Variants in KCNQ1 observed in about 807,000 individuals in gnomAD.
KCNQ1 encodes potassium voltage-gated channel subfamily KQT member 1.
A neutral mutation model predicts 72.4 loss-of-function variants in KCNQ1; 49 were observed. The observed-to-expected ratio is 0.68, with a 90% confidence interval of 0.54 to 0.86. The LOEUF is 0.86. Among genes scored for constraint, KCNQ1 ranks in the 40% least tolerant of loss-of-function variants. The pLI is 0.00. For synonymous variants in KCNQ1, 450 were observed against 412.6 expected, an observed-to-expected ratio of 1.09 and a Z score of -1.10; for missense variants, 790 against 945.1, an observed-to-expected ratio of 0.84 and a Z score of 2.15.
chr11:2,840,005 A>C (rs948021871), intron 15 of KCNQ1: 2 of 152,222 alleles, frequency 1.3e-5, no homozygotes, highest in African/African-American at 4.8e-5. Flanking sequence ...CGACCCTTGA[A>C]CAATGCAGGG....
chr11:2,721,387 G>A (rs952442502), intron 11 of KCNQ1, among the ~76,000 whole-genome samples: 3 of 152,206 alleles, frequency 2.0e-5, no homozygotes, highest in South Asian at 2.1e-4. Flanking sequence ...GCTTTGTAGC[G>A]AGGCCGCTGT....
In KCNQ1 at chr11:2,465,009, G is replaced by T. The variant is rs1846331206; in HGVS notation, c.386+19525G>T. On this transcript the variant is annotated intron_variant, in intron 1 of 15. Transcript: ENST00000155840. ...GCCGCCCCCGTGGGTGCAGGCCATG[G>T]GCTCTTGTTTCCTTTCCCCCATCTG... Among the ~76,000 whole-genome samples the T allele has an allele frequency of 2.6e-5, 4 of 152,166 alleles. No homozygotes were observed. In the South Asian group the frequency reaches 8.3e-4, roughly 31 times the overall value.
chr11:2,801,850 G>A (rs1264465530), intron 15 of KCNQ1, among the ~76,000 whole-genome samples: 3 of 152,254 alleles, frequency 2.0e-5, no homozygotes, highest in Non-Finnish European at 4.4e-5. Flanking sequence ...AAGACCAGCA[G>A]TGACAGGGAT....
Position 2,544,340 on chromosome 11 carries a change from G to GTATATGTATATATATGTGTATA in KCNQ1, c.477+16330_477+16351dup. ...TATATCTATGTATATATATGTGTAT[G>GTATATGTATATATATGTGTATA]TATATGTATATATATGTGTATATAT... On this transcript the variant is annotated intron_variant, in intron 2 of 15. Coordinates refer to ENST00000155840, the MANE Select transcript of KCNQ1 (RefSeq NM_000218.3). The surrounding 1 kb of genome is among the most constrained non-coding windows in gnomAD (Gnocchi z 4.4). Among the ~76,000 whole-genome samples the GTATATGTATATATATGTGTATA allele has an allele frequency of 7.9e-6, 1 of 125,860 alleles. No homozygotes were observed. The highest frequency in any genetic ancestry group is 2.2e-4 in the South Asian group (1 of 4,588). 82.6% of individuals were successfully genotyped at this position (125,860 alleles called of 152,430 possible).
Position 2,652,963 on chromosome 11 carries a change from G to C in KCNQ1, c.1394-8998G>C, listed in dbSNP as rs1398860798. 3 of 398,546 alleles carry C rather than the reference G, an allele frequency of 7.5e-6. No individual in the cohort carries two copies. The highest frequency in any genetic ancestry group is 7.1e-5 in the East Asian group (2 of 28,092). 24.7% of individuals were successfully genotyped at this position (398,546 alleles called of 1,614,324 possible). On this transcript the variant is annotated intron_variant, in intron 10 of 15. Coordinates refer to ENST00000155840, the MANE Select transcript of KCNQ1 (RefSeq NM_000218.3). The surrounding 1 kb of genome is among the most constrained non-coding windows in gnomAD (Gnocchi z 5.9). Reference sequence around the variant, plus strand: ...CTCCCTGGGACTTCTCAGGATTCCGGAAGTCATCTTTGACTGTGTCACATC... The same window carrying C: ...CTCCCTGGGACTTCTCAGGATTCCGCAAGTCATCTTTGACTGTGTCACATC...
In KCNQ1 at chr11:2,816,079, A is replaced by C. The variant is rs1847608626; in HGVS notation, c.1795-31688A>C. On this transcript the variant is annotated intron_variant, in intron 15 of 15. Coordinates refer to ENST00000155840, the MANE Select transcript of KCNQ1 (RefSeq NM_000218.3). This position sits in a 1 kb window ranked among gnomAD's most constrained non-coding sequence, Gnocchi z 6.8. ...GCTGGCGGCCGGGGCTTGGGAGATC[A>C]AGAAGTCCCTGAGGAAGAGGACAGT... Among the ~76,000 whole-genome samples, 1 of 152,150 alleles carries C rather than the reference A, an allele frequency of 6.6e-6. No homozygotes were observed. The highest frequency in any genetic ancestry group is 6.5e-5 in the Admixed American group (1 of 15,290).
rs572953083 is a variant in KCNQ1, at chr11:2,565,759, C to A, written c.478-4869C>A. On this transcript the variant is annotated intron_variant, in intron 2 of 15. Coordinates refer to ENST00000155840, the MANE Select transcript of KCNQ1 (RefSeq NM_000218.3). This position sits in a 1 kb window ranked among gnomAD's most constrained non-coding sequence, Gnocchi z 5.6. Reference sequence around the variant, plus strand: ...AGTGGCATCAGCCAAGGCTCCGAGGCGTTTCTTCCCACTTCACATGTCTTT... The same window carrying A: ...AGTGGCATCAGCCAAGGCTCCGAGGAGTTTCTTCCCACTTCACATGTCTTT... Among the ~76,000 whole-genome samples the A allele has an allele frequency of 2.0e-5, 3 of 152,198 alleles. No individual in the cohort carries two copies. The highest frequency in any genetic ancestry group is 7.2e-5 in the African/African-American group (3 of 41,442).
In KCNQ1 at chr11:2,463,795, C is replaced by A. The variant is rs889850122; in HGVS notation, c.386+18311C>A. The stretch of plus-strand genomic sequence containing the variant: ...AGACATTGCCCTGCGAGGGGGTCAG[C>A]CCTGAAGCCGGATGGCCCGGCCCCC... On this transcript the variant is annotated intron_variant, in intron 1 of 15. Coordinates refer to ENST00000155840, the MANE Select transcript of KCNQ1 (RefSeq NM_000218.3). This position sits in a 1 kb window ranked among gnomAD's most constrained non-coding sequence, Gnocchi z 7.0. 6.6e-6 allele frequency among the ~76,000 whole-genome samples: 1 copy of A among 152,236 alleles called. No individual in the cohort carries two copies. Among genetic ancestry groups the A allele is most frequent in the African/African-American group, 2.4e-5 (1 of 41,466 alleles).
At chr11:2,529,834 C>T (rs917759095) in intron 2 of KCNQ1, among the ~76,000 whole-genome samples, 2 of 151,720 alleles carry the variant, frequency 1.3e-5, no homozygotes, top group South Asian at 2.1e-4. Context: ...GTGGGCGGGC[C>T]GGCTGCCAGG....
Position 2,464,141 on chromosome 11 carries a change from T to C in KCNQ1, c.386+18657T>C, listed in dbSNP as rs1162901928. 1.3e-5 allele frequency among the ~76,000 whole-genome samples: 2 copies of C among 152,094 alleles called. No homozygotes were observed. The highest frequency in any genetic ancestry group is 2.9e-5 in the Non-Finnish European group (2 of 68,012). ...ACTGGCACAGGGATGTGGACTACGG[T>C]GCTTGCCATCAGCAGATACAAGCTG... is the stretch of plus-strand genomic sequence containing the variant. On this transcript the variant is annotated intron_variant, in intron 1 of 15. Transcript: ENST00000155840. The surrounding 1 kb of genome is among the most constrained non-coding windows in gnomAD (Gnocchi z 5.0).
chr11:2,557,179 G>T (rs1265424245), intron 2 of KCNQ1, among the ~76,000 whole-genome samples: 3 of 152,210 alleles, frequency 2.0e-5, no homozygotes, highest in Admixed American at 6.5e-5. Context: ...AAAACAGGGA[G>T]ATCAGGATGA....
rs1847738692 is a variant in KCNQ1, at chr11:2,536,782, G to A, written c.477+8764G>A. On this transcript the variant is annotated intron_variant, in intron 2 of 15. Coordinates refer to ENST00000155840, the MANE Select transcript of KCNQ1 (RefSeq NM_000218.3). This position sits in a 1 kb window ranked among gnomAD's most constrained non-coding sequence, Gnocchi z 7.4. Reference sequence around the variant, plus strand: ...GTGATGGGGGACCCCAGGCTGGGCGGCTTAAACCGTGGAGGTCGCCCTCTC... The same window carrying A: ...GTGATGGGGGACCCCAGGCTGGGCGACTTAAACCGTGGAGGTCGCCCTCTC... 6.6e-6 allele frequency among the ~76,000 whole-genome samples: 1 copy of A among 151,040 alleles called. No individual in the cohort carries two copies. Among genetic ancestry groups the A allele is most frequent in the African/African-American group, 2.5e-5 (1 of 40,342 alleles).
In KCNQ1 at chr11:2,703,173, T is replaced by C. The variant is rs1850848252; in HGVS notation, c.1514+41092T>C. Reference sequence around the variant, plus strand: ...GGCCTTGGGCACCATGGCAGAATTCTGGGAGGGGGCTGCAGTCACGGCCAG... The same window carrying C: ...GGCCTTGGGCACCATGGCAGAATTCCGGGAGGGGGCTGCAGTCACGGCCAG... On this transcript the variant is annotated intron_variant, in intron 11 of 15. Transcript: ENST00000155840. This position sits in a 1 kb window ranked among gnomAD's most constrained non-coding sequence, Gnocchi z 6.4. 6.6e-6 allele frequency among the ~76,000 whole-genome samples: 1 copy of C among 151,948 alleles called. No homozygotes were observed. Among genetic ancestry groups the C allele is most frequent in the Non-Finnish European group, 1.5e-5 (1 of 68,028 alleles).
chr11:2,807,848 C>T (rs1410516995), intron 15 of KCNQ1, among the ~76,000 whole-genome samples: 2 of 152,176 alleles, frequency 1.3e-5, no homozygotes, highest in Non-Finnish European at 2.9e-5. Flanking sequence ...TCCTGGCCCC[C>T]AATCCGGTCA....
intron 2 of KCNQ1, among the ~76,000 whole-genome samples, chr11:2,548,572 G>T (rs1200184184): frequency 6.6e-6 from 1 of 152,240 alleles, no homozygotes; most frequent in Admixed American, 6.5e-5. Context: ...TCTGCAAACC[G>T]CTACATTCTG....
intron 15 of KCNQ1, among the ~76,000 whole-genome samples, chr11:2,802,312 C>T (rs1847284649): frequency 1.3e-5 from 2 of 152,218 alleles, no homozygotes; most frequent in African/African-American, 2.4e-5. Context: ...CCGGCCCTGT[C>T]GCCAGCCGGC....
At chr11:2,842,621 C>T (rs1035486019) in intron 15 of KCNQ1, among the ~76,000 whole-genome samples, 1 of 152,084 alleles carries the variant, frequency 6.6e-6, no homozygotes, top group South Asian at 2.1e-4. Flanking sequence ...CCTTCTTGCA[C>T]GCACAGTCTC....
chr11:2,532,936 G>A (rs1847665417), intron 2 of KCNQ1, among the ~76,000 whole-genome samples: 1 of 152,182 alleles, frequency 6.6e-6, no homozygotes, highest in Admixed American at 6.5e-5. Context: ...GGGGCCAGGC[G>A]GCGGGAAGGC....
rs1848190840 is a variant in KCNQ1 at position 2,562,650 on chromosome 11, C to G, written c.478-7978C>G. Among the ~76,000 whole-genome samples the G allele has an allele frequency of 6.6e-6, 1 of 152,186 alleles. No individual in the cohort carries two copies. Among genetic ancestry groups the G allele is most frequent in the Admixed American group, 6.5e-5 (1 of 15,288 alleles). ...CACCCCTCTTCAGAGTCTCCAGGCCCCATCTTGGCCTGATGAGGCCTCATT... is the reference window on the plus strand; with the variant it reads ...CACCCCTCTTCAGAGTCTCCAGGCCGCATCTTGGCCTGATGAGGCCTCATT... On this transcript the variant is annotated intron_variant, in intron 2 of 15. Transcript: ENST00000155840. This position sits in a 1 kb window ranked among gnomAD's most constrained non-coding sequence, Gnocchi z 7.5.
Sources: gnomAD v4.1 joint callset for allele counts (sites outside exome capture counted in the v4.1 genomes callset) on GRCh38, gnomAD v4.1.1 for gene constraint, Gnocchi (gnomAD v3.1) non-coding constraint, MANE v1.5 for transcripts, NCBI Gene and HGNC (gene_info 2026-07-23, HGNC 2026-07-21) for gene names.